Variants in SPMIP2 observed in about 807,000 individuals in gnomAD.
SPMIP2 encodes sperm microtubule inner protein 2, also known as protein SPMIP2.
At chr4:159,008,709 T>G in the SPMIP2 span, among the ~76,000 whole-genome samples, 3 of 152,384 alleles carry the variant, frequency 2.0e-5, no homozygotes, top group East Asian at 5.8e-4. Flanking sequence ...GTTATAATTT[T>G]AATACACATT....
the SPMIP2 span, among the ~76,000 whole-genome samples, chr4:159,076,413 T>C: frequency 6.6e-6 from 1 of 152,208 alleles, no homozygotes; most frequent in Non-Finnish European, 1.5e-5. Flanking sequence ...TTAGTTGAAA[T>C]ATCTATCTAT....
chr4:158,990,712 ACAT>A, the SPMIP2 span, among the ~76,000 whole-genome samples: 1 of 152,142 alleles, frequency 6.6e-6, no homozygotes, highest in Non-Finnish European at 1.5e-5. Flanking sequence ...AGGCAGGGAA[ACAT>A]CACACATTGG....
the SPMIP2 span, among the ~76,000 whole-genome samples, chr4:158,921,247 T>C: frequency 6.6e-6 from 1 of 152,190 alleles, no homozygotes; most frequent in Non-Finnish European, 1.5e-5. Flanking sequence ...AAGACCAGCC[T>C]GTCCAATATG....
chr4:158,917,462 C>A, the SPMIP2 span, among the ~76,000 whole-genome samples: 1 of 151,960 alleles, frequency 6.6e-6, no homozygotes, highest in East Asian at 1.9e-4. Flanking sequence ...CTGGCCCACT[C>A]TCCTCAGCCC....
the SPMIP2 span, among the ~76,000 whole-genome samples, chr4:158,990,115 CAT>C: frequency 3.3e-5 from 5 of 152,214 alleles, no homozygotes; most frequent in Admixed American, 2.6e-4. Context: ...AACCAATAAA[CAT>C]ATGAAAAAAA....
the SPMIP2 span, chr4:158,904,379 A>G: frequency 8.2e-7 from 1 of 1,225,396 alleles, no homozygotes; most frequent in Non-Finnish European, 1.2e-6. Context: ...GTACCTAGAA[A>G]TAATACTTTC....
chr4:158,935,304 C>T, the SPMIP2 span, among the ~76,000 whole-genome samples: 7 of 152,192 alleles, frequency 4.6e-5, no homozygotes, highest in African/African-American at 1.7e-4. Context: ...GAAAATGCAG[C>T]TCAAGTGTTA....
At chr4:158,914,279 A>G in the SPMIP2 span, among the ~76,000 whole-genome samples, 1 of 152,160 alleles carries the variant, frequency 6.6e-6, no homozygotes, top group Non-Finnish European at 1.5e-5. Context: ...CCCTTTTTCA[A>G]TACGAAGTAT....
chr4:158,920,963 T>A, the SPMIP2 span, among the ~76,000 whole-genome samples: 966 of 152,366 alleles, frequency 6.3e-3, 27 homozygotes, highest in Admixed American at 0.052. Flanking sequence ...CCTACCGATA[T>A]GTGATGTCAC....
the SPMIP2 span, among the ~76,000 whole-genome samples, chr4:159,013,269 G>GGTAAATACCTGA: frequency 6.6e-6 from 1 of 152,168 alleles, no homozygotes; most frequent in Non-Finnish European, 1.5e-5. Flanking sequence ...CAGGGACTCA[G>GGTAAATACCTGA]GTATTTGTAC....
At chr4:158,933,064 C>T in the SPMIP2 span, among the ~76,000 whole-genome samples, 108 of 152,282 alleles carry the variant, frequency 7.1e-4, no homozygotes, top group African/African-American at 2.2e-3. Flanking sequence ...AGTGCAATGG[C>T]GCAATCTCGG....
At chr4:158,914,064 T>A in the SPMIP2 span, among the ~76,000 whole-genome samples, 5 of 152,168 alleles carry the variant, frequency 3.3e-5, no homozygotes, top group Admixed American at 6.5e-5. Flanking sequence ...GATTTTTTAA[T>A]GCAAAAAATA....
chr4:159,046,792 C>A, the SPMIP2 span, among the ~76,000 whole-genome samples: 3 of 152,224 alleles, frequency 2.0e-5, no homozygotes, highest in African/African-American at 7.2e-5. Context: ...AGCCTGGCCT[C>A]GAACTCTTGA....
the SPMIP2 span, among the ~76,000 whole-genome samples, chr4:159,024,597 A>G: frequency 3.3e-5 from 5 of 152,198 alleles, no homozygotes; most frequent in African/African-American, 1.2e-4. Flanking sequence ...GCCTGTAGTT[A>G]AAAGCTTTCC....
the SPMIP2 span, among the ~76,000 whole-genome samples, chr4:159,065,828 A>G: frequency 6.6e-6 from 1 of 152,226 alleles, no homozygotes; most frequent in Non-Finnish European, 1.5e-5. Context: ...TCCAAGAGTC[A>G]TTGAGATTTT....
chr4:158,965,520 G>T, the SPMIP2 span, among the ~76,000 whole-genome samples: 70,572 of 151,920 alleles, frequency 0.46, 17,478 homozygotes, highest in African/African-American at 0.65. Flanking sequence ...TAATGTGTTT[G>T]CCACTGTTGT....
chr4:158,905,731 A>G, the SPMIP2 span: 1 of 151,626 alleles, frequency 6.6e-6, no homozygotes, highest in Admixed American at 6.6e-5. Context: ...TTCTGTTAAT[A>G]TAAAAGAAAC....
chr4:158,930,508 T>C, the SPMIP2 span, among the ~76,000 whole-genome samples: 1 of 16,928 alleles, frequency 5.9e-5, no homozygotes, highest in Admixed American at 5.6e-4. Context: ...AATGCCTGGC[T>C]TTTTTTTTTT....
At chr4:158,960,416 C>A in the SPMIP2 span, 1 of 865,456 alleles carries the variant, frequency 1.2e-6, no homozygotes, top group Non-Finnish European at 1.8e-6. Flanking sequence ...ATCCATATTT[C>A]TAGTCAAAAA....
Sources: gnomAD v4.1 joint callset for allele counts (sites outside exome capture counted in the v4.1 genomes callset) on GRCh38, gnomAD v4.1.1 for gene constraint, MANE v1.5 for transcripts, NCBI Gene and HGNC (gene_info 2026-07-23, HGNC 2026-07-21) for gene names.